Variants in HS6ST3 observed in about 807,000 individuals in gnomAD.
HS6ST3 encodes heparan-sulfate 6-O-sulfotransferase 3.
HS6ST3 carries 12 observed loss-of-function variants against 36.7 expected under a neutral mutation model. The observed-to-expected ratio is 0.33, with a 90% CI of 0.21 to 0.53. The LOEUF is 0.53. Among genes scored for constraint, HS6ST3 ranks in the 20% least tolerant of loss-of-function variants. HS6ST3 has a pLI of 0.95. For missense variants in HS6ST3, 584 were observed against 640.9 expected, an observed-to-expected ratio of 0.91 and a Z score of 0.96; for synonymous variants, 240 against 257.5, an observed-to-expected ratio of 0.93 and a Z score of 0.65.
chr13:96,200,119 A>G (rs773128120), intron 1 of HS6ST3, among the ~76,000 whole-genome samples: 10 of 152,206 alleles, frequency 6.6e-5, no homozygotes, highest in Non-Finnish European at 1.5e-4. Context: ...ATTTGCAAAG[A>G]TCATTCAGCT....
chr13:96,758,330 G>A (rs1277663261), intron 1 of HS6ST3, among the ~76,000 whole-genome samples: 1 of 151,818 alleles, frequency 6.6e-6, no homozygotes, highest in Non-Finnish European at 1.5e-5. Context: ...GATGCTGCTA[G>A]AGGTTTATGA....
intron 1 of HS6ST3, among the ~76,000 whole-genome samples, chr13:96,783,852 C>A (rs1020680376): frequency 6.6e-6 from 1 of 152,054 alleles, no homozygotes; most frequent in African/African-American, 2.4e-5. Flanking sequence ...AAGAGAGTGC[C>A]TTAAAACCAT....
chr13:96,434,999 T>C (rs4771947), intron 1 of HS6ST3, among the ~76,000 whole-genome samples: 48,329 of 151,678 alleles, frequency 0.32, 7,757 homozygotes, highest in South Asian at 0.44. Context: ...ATTTTTTTTT[T>C]CCTTTCTCTC....
intron 1 of HS6ST3, among the ~76,000 whole-genome samples, chr13:96,215,682 T>A (rs1030438875): frequency 2.6e-5 from 4 of 152,092 alleles, no homozygotes; most frequent in Non-Finnish European, 5.9e-5. Context: ...TATTTTTTTT[T>A]ATCAAAGTAA....
intron 1 of HS6ST3, among the ~76,000 whole-genome samples, chr13:96,580,509 A>C (rs2056338073): frequency 6.6e-6 from 1 of 152,000 alleles, no homozygotes; most frequent in African/African-American, 2.4e-5. Flanking sequence ...ATTTAGGAAA[A>C]CACAGATTGT....
chr13:96,401,817 G>C (rs2055453221), intron 1 of HS6ST3, among the ~76,000 whole-genome samples: 1 of 152,114 alleles, frequency 6.6e-6, no homozygotes. Flanking sequence ...CAAGTGACCA[G>C]CCTGCCCCGG....
intron 1 of HS6ST3, among the ~76,000 whole-genome samples, chr13:96,689,753 G>A (rs1874898049): frequency 6.6e-6 from 1 of 151,510 alleles, no homozygotes; most frequent in African/African-American, 2.4e-5. Flanking sequence ...CTGCTCCCTT[G>A]GCTATTCTTT....
chr13:96,410,058 C>T (rs771354045), intron 1 of HS6ST3, among the ~76,000 whole-genome samples: 3 of 152,096 alleles, frequency 2.0e-5, no homozygotes, highest in Non-Finnish European at 4.4e-5. Flanking sequence ...TCCTCACATT[C>T]ATATGGAGAA....
At position 96,452,201 on chromosome 13, in the gene HS6ST3, C is replaced by A. The variant is rs555020029; in HGVS notation, c.707+360632C>A. On this transcript the variant is annotated intron_variant, in intron 1 of 1. Transcript: ENST00000376705. Reference sequence around the variant, plus strand: ...ATTAACTAACCAAGGAGAACATAACCCTCAGCACATCTATATGGTAAACCT... The same window carrying A: ...ATTAACTAACCAAGGAGAACATAACACTCAGCACATCTATATGGTAAACCT... Among the ~76,000 whole-genome samples, 25 of 152,184 alleles carry A rather than the reference C, an allele frequency of 1.6e-4. No individual in the cohort carries two copies. The South Asian group carries it at 4.8e-3, about 29-fold the overall frequency.
intron 1 of HS6ST3, among the ~76,000 whole-genome samples, chr13:96,320,858 G>C (rs2054999698): frequency 6.6e-6 from 1 of 152,200 alleles, no homozygotes; most frequent in Admixed American, 6.5e-5. Context: ...CTTCCTCACA[G>C]ACACTCCTGC....
chr13:96,630,934 G>A (rs2056529881), intron 1 of HS6ST3, among the ~76,000 whole-genome samples: 1 of 152,034 alleles, frequency 6.6e-6, no homozygotes, highest in South Asian at 2.1e-4. Context: ...TTGGAATAAG[G>A]ATGTAATTAC....
intron 1 of HS6ST3, among the ~76,000 whole-genome samples, chr13:96,546,638 A>T (rs572931610): frequency 3.3e-5 from 5 of 152,314 alleles, no homozygotes; most frequent in Admixed American, 1.3e-4. Flanking sequence ...AAAAATTTTA[A>T]CACAGAAATA....
chr13:96,307,162 A>G (rs573616169), intron 1 of HS6ST3, among the ~76,000 whole-genome samples: 1 of 152,306 alleles, frequency 6.6e-6, no homozygotes, highest in East Asian at 1.9e-4. Flanking sequence ...AGAGTAAGAA[A>G]GAGGAGGGAT....
intron 1 of HS6ST3, among the ~76,000 whole-genome samples, chr13:96,365,319 G>A (rs1376028434): frequency 6.6e-6 from 1 of 152,188 alleles, no homozygotes; most frequent in Non-Finnish European, 1.5e-5. Context: ...GATTCTGGGT[G>A]TGGTTTAACT....
At chr13:96,111,016 T>C (rs887089776) in intron 1 of HS6ST3, among the ~76,000 whole-genome samples, 4 of 152,228 alleles carry the variant, frequency 2.6e-5, no homozygotes, top group African/African-American at 9.6e-5. Flanking sequence ...AGTATAAAGA[T>C]ATACCATAGG....
At chr13:96,282,549 A>G (rs1215465773) in intron 1 of HS6ST3, among the ~76,000 whole-genome samples, 1 of 152,222 alleles carries the variant, frequency 6.6e-6, no homozygotes, top group Non-Finnish European at 1.5e-5. Context: ...TCCTCATGCC[A>G]TGGGATGCCA....
intron 1 of HS6ST3, among the ~76,000 whole-genome samples, chr13:96,175,358 G>GT (rs35712099): frequency 0.018 from 2,642 of 150,130 alleles, 37 homozygotes; most frequent in East Asian, 0.056. Flanking sequence ...TTTTGTAACA[G>GT]TTTTTTTTTT....
intron 1 of HS6ST3, among the ~76,000 whole-genome samples, chr13:96,442,778 T>TA (rs57528030): frequency 0.32 from 39,110 of 124,046 alleles, 5,497 homozygotes; most frequent in South Asian, 0.44. Flanking sequence ...CAATTGGAAG[T>TA]AAAAAAAAAA....
chr13:96,494,940 T>A (rs1036340150), intron 1 of HS6ST3, among the ~76,000 whole-genome samples: 3 of 152,234 alleles, frequency 2.0e-5, no homozygotes, highest in Non-Finnish European at 4.4e-5. Flanking sequence ...GAAATGTTTT[T>A]GCCCTTGGGA....
Sources: gnomAD v4.1 joint callset for allele counts (sites outside exome capture counted in the v4.1 genomes callset) on GRCh38, gnomAD v4.1.1 for gene constraint, MANE v1.5 for transcripts, NCBI Gene and HGNC (gene_info 2026-07-23, HGNC 2026-07-21) for gene names.